Variants in PTPRM observed in about 807,000 individuals in gnomAD.
PTPRM encodes protein tyrosine phosphatase receptor type M, also known as receptor-type tyrosine-protein phosphatase mu.
Under a neutral mutation model 186.7 loss-of-function variants are expected in PTPRM, and 47 were observed. The observed-to-expected ratio is 0.25, with a 90% CI of 0.20 to 0.32. The LOEUF (loss-of-function observed/expected upper bound fraction) is 0.32, where lower values mean the gene tolerates loss of function less well. Ranked by LOEUF, PTPRM falls within the 10% of genes least tolerant of loss-of-function variation. The pLI is 1.00. For missense variants in PTPRM, 1,494 were observed against 1,865.0 expected (o/e 0.80, Z 3.66); for synonymous variants, 668 against 674.9 (o/e 0.99, Z 0.16).
intron 14 of PTPRM, among the ~76,000 whole-genome samples, chr18:8,145,276 A>G (rs1187257890): frequency 3.9e-5 from 6 of 152,178 alleles, no homozygotes; most frequent in Admixed American, 3.9e-4. Flanking sequence ...GAACTACAAA[A>G]TGGGGTGGGG....
chr18:7,888,107 T>C lies in PTPRM; in HGVS notation c.198T>C (p.Gly66=), dbSNP rs35761492. 2 of 1,614,128 alleles carry C rather than the reference T, an allele frequency of 1.2e-6. No homozygotes were observed. Among genetic ancestry groups the C allele is most frequent in the Non-Finnish European group, 8.5e-7 (1 of 1,180,002 alleles). The change falls in exon 3 of 33, where the codon GGT becomes GGC. Residue 66 remains glycine, a splice_region_variant and synonymous_variant. Transcript: ENST00000580170. ...CTCTCCTTGATTTTGTTTTTGCAGG[T>C]TCTTTCATGCTGGTGAATGCCTCTG... The part of the protein sequence containing the change: ...KPTSDPWMPS[G]SFMLVNASGR...
At chr18:8,386,088 G>T (rs1172885264) in intron 30 of PTPRM, among the ~76,000 whole-genome samples, 1 of 152,130 alleles carries the variant, frequency 6.6e-6, no homozygotes, top group Non-Finnish European at 1.5e-5. Flanking sequence ...TTGTTTGTGG[G>T]TGGGGGGCAT....
chr18:7,935,139 T>TA (rs543631187), intron 5 of PTPRM, among the ~76,000 whole-genome samples: 491 of 152,304 alleles, frequency 3.2e-3, no homozygotes, highest in African/African-American at 0.011. Flanking sequence ...CTTCACAAGC[T>TA]TAACTTGGGT....
At chr18:8,220,675 C>T (rs1422267967) in intron 14 of PTPRM, among the ~76,000 whole-genome samples, 2 of 152,198 alleles carry the variant, frequency 1.3e-5, no homozygotes, top group Non-Finnish European at 2.9e-5. Context: ...AGAGCCAAGA[C>T]TTAATCTAAC....
intron 19 of PTPRM, chr18:8,269,985 T>A (rs1815837637): frequency 6.8e-6 from 1 of 147,904 alleles, no homozygotes; most frequent in African/African-American, 2.5e-5. Context: ...TGTTTTTTTC[T>A]TTGTTTGTTT....
chr18:7,627,290 T>A (rs561428023), intron 1 of PTPRM, among the ~76,000 whole-genome samples: 1 of 152,312 alleles, frequency 6.6e-6, no homozygotes, highest in East Asian at 1.9e-4. Flanking sequence ...GATATGGGCC[T>A]TTTCCTTTGC....
intron 30 of PTPRM, among the ~76,000 whole-genome samples, chr18:8,386,017 G>A (rs1250356516): frequency 2.0e-5 from 3 of 152,234 alleles, no homozygotes; most frequent in Middle Eastern, 3.4e-3. Context: ...CCTGTCCTGA[G>A]AGCTAGGATG....
intron 14 of PTPRM, among the ~76,000 whole-genome samples, chr18:8,211,775 G>T (rs993517372): frequency 5.3e-5 from 8 of 152,252 alleles, no homozygotes; most frequent in Non-Finnish European, 4.4e-5. Context: ...TGAAGATGTG[G>T]AGTGGGAGAT....
At chr18:7,706,901 C>T (rs2040106320) in intron 1 of PTPRM, among the ~76,000 whole-genome samples, 2 of 152,024 alleles carry the variant, frequency 1.3e-5, no homozygotes. Flanking sequence ...GACGTTTTAA[C>T]CTTCCTAGGA....
intron 4 of PTPRM, among the ~76,000 whole-genome samples, chr18:7,912,673 G>A (rs928117308): frequency 2.8e-5 from 4 of 142,576 alleles, no homozygotes; most frequent in Admixed American, 6.9e-5. Flanking sequence ...CACCACGCCC[G>A]GCTAATTTTT....
intron 7 of PTPRM, among the ~76,000 whole-genome samples, chr18:8,003,643 A>C (rs1257451890): frequency 6.6e-6 from 1 of 152,238 alleles, no homozygotes; most frequent in Non-Finnish European, 1.5e-5. Flanking sequence ...AAATAAAGTC[A>C]TAGCTGTGGC....
At chr18:7,709,472 G>C (rs900825469) in intron 1 of PTPRM, among the ~76,000 whole-genome samples, 5 of 151,990 alleles carry the variant, frequency 3.3e-5, no homozygotes, top group Non-Finnish European at 7.4e-5. Flanking sequence ...AGCACAAATA[G>C]ATAACCTAAT....
intron 24 of PTPRM, among the ~76,000 whole-genome samples, chr18:8,372,363 C>T (rs894585828): frequency 1.4e-5 from 2 of 144,658 alleles, no homozygotes; most frequent in Admixed American, 1.4e-4. Flanking sequence ...CGTGAGCCAC[C>T]GCGCCCGGCC....
At chr18:8,228,370 G>A (rs2094241596) in intron 14 of PTPRM, among the ~76,000 whole-genome samples, 1 of 152,172 alleles carries the variant, frequency 6.6e-6, no homozygotes, top group Non-Finnish European at 1.5e-5. Flanking sequence ...GCCCCAGCCA[G>A]ATATATAATG....
intron 14 of PTPRM, among the ~76,000 whole-genome samples, chr18:8,174,793 C>T (rs2093457452): frequency 6.6e-6 from 1 of 152,174 alleles, no homozygotes. Context: ...CACAGACTTC[C>T]TGCATGTGCC....
chr18:7,874,942 C>T (rs2048160937), intron 2 of PTPRM, among the ~76,000 whole-genome samples: 1 of 152,176 alleles, frequency 6.6e-6, no homozygotes, highest in Non-Finnish European at 1.5e-5. Flanking sequence ...CCTGTAATCC[C>T]AGCACTTTGG....
At chr18:7,769,955 A>G (rs1373065618) in intron 1 of PTPRM, among the ~76,000 whole-genome samples, 2 of 152,156 alleles carry the variant, frequency 1.3e-5, no homozygotes, top group Non-Finnish European at 2.9e-5. Context: ...GCTTGTATCA[A>G]CTTTCCTCCA....
At chr18:7,975,498 A>G (rs2054869939) in intron 7 of PTPRM, among the ~76,000 whole-genome samples, 1 of 152,220 alleles carries the variant, frequency 6.6e-6, no homozygotes, top group Non-Finnish European at 1.5e-5. Flanking sequence ...AGATGCCAAT[A>G]TGGTAATGCT....
chr18:8,026,155 T>A (rs1000057945), intron 7 of PTPRM, among the ~76,000 whole-genome samples: 3 of 152,224 alleles, frequency 2.0e-5, no homozygotes, highest in African/African-American at 7.2e-5. Context: ...ATTGCTTTTG[T>A]ATTCAGAGGC....
Sources: allele counts gnomAD v4.1 joint callset (sites outside exome capture counted in the v4.1 genomes callset), GRCh38; gene constraint gnomAD v4.1.1; transcripts MANE v1.5; gene names NCBI Gene and HGNC (gene_info 2026-07-23, HGNC 2026-07-21).